The following BACE2 variants were observed in gnomAD, a reference collection of about 807,000 sequenced individuals.
BACE2 encodes 56 kDa aspartic-like protease.
Under a neutral mutation model 46.2 loss-of-function variants are expected in BACE2, and 17 were observed. The observed-to-expected ratio is 0.37, with a 90% CI of 0.25 to 0.55. The LOEUF is 0.55. BACE2 is among the 20% of genes least tolerant of loss of function. The probability of loss-of-function intolerance (pLI) is 0.82; values close to 1 mark genes in which losing one functional copy is unlikely to be tolerated. For missense variants in BACE2, 595 were observed against 698.1 expected (o/e 0.85, Z 1.66); for synonymous variants, 277 against 295.9 (o/e 0.94, Z 0.66).
At position 41,282,436 on chromosome 21, in the gene BACE2, T is replaced by G. The variant is rs376122181; in HGVS notation, c.*6812T>G. ...AAAACTGGAGTTTTCTAAAATAATC[T>G]TATTTTTATACTTGTATGTTCCAGC... On this transcript the variant is annotated 3_prime_UTR_variant, in exon 9 of 9. Coordinates refer to ENST00000330333, the MANE Select transcript of BACE2 (RefSeq NM_012105.5). 3 of 152,242 alleles carry G rather than the reference T, an allele frequency of 2.0e-5. No individual in the cohort carries two copies. Among genetic ancestry groups the G allele is most frequent in the East Asian group, 3.8e-4 (2 of 5,202 alleles). 9.4% of individuals were successfully genotyped at this position (152,242 alleles called of 1,614,324 possible). A position where few individuals can be genotyped will look rare whatever the true frequency, so the allele number is the denominator to read the frequency against.
At chr21:41,194,841 T>G (rs2123518658) in intron 1 of BACE2, among the ~76,000 whole-genome samples, 1 of 152,366 alleles carries the variant, frequency 6.6e-6, no homozygotes, top group South Asian at 2.1e-4. Flanking sequence ...AATTTGCCAT[T>G]CTTTTCCTTT....
Position 41,197,655 on chromosome 21 carries a change from TAA to T in BACE2, c.313-28600_313-28599del, listed in dbSNP as rs371348258. ...ATCTTCCAAATAATTTTGCTTGTGT[TAA>T]AAAAAAAAAATGGAAATAAGCCGTA... On this transcript the variant is annotated intron_variant, in intron 1 of 8. Transcript: ENST00000330333. Among the ~76,000 whole-genome samples the T allele has an allele frequency of 7.5e-5, 11 of 147,002 alleles. No individual in the cohort carries two copies. In the Middle Eastern group the frequency reaches 0.011, roughly 141 times the overall value.
chr21:41,222,881 C>T (rs1158982676), intron 1 of BACE2, among the ~76,000 whole-genome samples: 2 of 152,182 alleles, frequency 1.3e-5, no homozygotes, highest in Non-Finnish European at 2.9e-5. Flanking sequence ...GGATCACCTC[C>T]GGCATGGCCT....
intron 8 of BACE2, among the ~76,000 whole-genome samples, chr21:41,264,522 A>G (rs1395121791): frequency 1.3e-5 from 2 of 152,158 alleles, no homozygotes; most frequent in African/African-American, 4.8e-5. Flanking sequence ...GGGAGGCCTC[A>G]GGAAACTTAC....
chr21:41,175,104 T>C (rs1342576506), intron 1 of BACE2: 4 of 152,164 alleles, frequency 2.6e-5, no homozygotes, highest in Admixed American at 6.5e-5. Context: ...AAGTGGTCAC[T>C]TTTTTGCTCT....
In BACE2 at chr21:41,282,196, C is replaced by T. The variant is rs1031897370; in HGVS notation, c.*6572C>T. On this transcript the variant is annotated 3_prime_UTR_variant, in exon 9 of 9. Coordinates refer to ENST00000330333, the MANE Select transcript of BACE2 (RefSeq NM_012105.5). ...TTGTTTTCTGTTTATCTCAGATTAACATCCTTTAATACAAGTTTCTTAAGT... is the reference window on the plus strand; with the variant it reads ...TTGTTTTCTGTTTATCTCAGATTAATATCCTTTAATACAAGTTTCTTAAGT... 6.6e-6 allele frequency: 1 copy of T among 152,182 alleles called. No homozygotes were observed. Among genetic ancestry groups the T allele is most frequent in the African/African-American group, 2.4e-5 (1 of 41,442 alleles). 9.4% of individuals were successfully genotyped at this position (152,182 alleles called of 1,614,324 possible). A position where few individuals can be genotyped will look rare whatever the true frequency, so the allele number is the denominator to read the frequency against.
At chr21:41,253,559 G>A (rs1389196583) in intron 7 of BACE2, among the ~76,000 whole-genome samples, 1 of 152,084 alleles carries the variant, frequency 6.6e-6, no homozygotes, top group African/African-American at 2.4e-5. Context: ...CCAGCTTGAG[G>A]ACCCAGGTGT....
intron 1 of BACE2, among the ~76,000 whole-genome samples, chr21:41,187,790 CT>C (rs1186830696): frequency 6.6e-6 from 1 of 152,190 alleles, no homozygotes; most frequent in Admixed American, 6.5e-5. Context: ...ACGTTAAGAG[CT>C]TGCAAACCCT....
intron 2 of BACE2, among the ~76,000 whole-genome samples, chr21:41,233,098 G>C (rs1219648980): frequency 6.6e-6 from 1 of 152,038 alleles, no homozygotes; most frequent in Non-Finnish European, 1.5e-5. Flanking sequence ...TCGATCTCCT[G>C]ACCTCATGAT....
At chr21:41,226,431 T>C in intron 2 of BACE2, 77 bp downstream of exon 2, 1 of 1,314,608 alleles carries the variant, frequency 7.6e-7, no homozygotes. Flanking sequence ...CACCAGAGCA[T>C]GACAGCCAGA....
At chr21:41,240,611 G>A (rs1019395819) in intron 3 of BACE2, among the ~76,000 whole-genome samples, 4 of 152,184 alleles carry the variant, frequency 2.6e-5, no homozygotes, top group African/African-American at 9.7e-5. Flanking sequence ...TTGCTTTACC[G>A]CCTCTCAAGA....
At chr21:41,212,157 T>C (rs1218465338) in intron 1 of BACE2, among the ~76,000 whole-genome samples, 1 of 152,226 alleles carries the variant, frequency 6.6e-6, no homozygotes, top group Non-Finnish European at 1.5e-5. Flanking sequence ...TCTTACAGTT[T>C]TGGGAGCTGG....
At chr21:41,220,367 C>T (rs1199855654) in intron 1 of BACE2, among the ~76,000 whole-genome samples, 1 of 152,166 alleles carries the variant, frequency 6.6e-6, no homozygotes, top group Non-Finnish European at 1.5e-5. Context: ...CCTCCCCACT[C>T]CCCAAGGTTG....
intron 1 of BACE2, chr21:41,183,450 T>C (rs1268863094): frequency 6.0e-6 from 1 of 166,944 alleles, no homozygotes; most frequent in Non-Finnish European, 1.5e-5. Context: ...TAAAATGACC[T>C]ATACAAGACA....
At chr21:41,243,006 CCT>C (rs1987349988) in intron 4 of BACE2, among the ~76,000 whole-genome samples, 1 of 152,078 alleles carries the variant, frequency 6.6e-6, no homozygotes, top group Non-Finnish European at 1.5e-5. Flanking sequence ...CCTCCGCCTC[CCT>C]GTTCAAGCGA....
intron 2 of BACE2, among the ~76,000 whole-genome samples, chr21:41,231,860 G>A (rs781289426): frequency 6.6e-6 from 1 of 152,206 alleles, no homozygotes. Flanking sequence ...GAGGTGGGAC[G>A]TTAGAAAATG....
At chr21:41,214,512 G>A (rs1301949873) in intron 1 of BACE2, among the ~76,000 whole-genome samples, 2 of 152,172 alleles carry the variant, frequency 1.3e-5, no homozygotes, top group African/African-American at 2.4e-5. Flanking sequence ...CATCGTGGGG[G>A]CATAGAATTT....
At chr21:41,274,091 C>T (rs577136743) in intron 8 of BACE2, among the ~76,000 whole-genome samples, 1 of 151,930 alleles carries the variant, frequency 6.6e-6, no homozygotes, top group Non-Finnish European at 1.5e-5. Flanking sequence ...TCTCTTCCAC[C>T]ATGTAAAGAC....
At chr21:41,200,308 C>T (rs887509880) in intron 1 of BACE2, among the ~76,000 whole-genome samples, 107 of 152,066 alleles carry the variant, frequency 7.0e-4, no homozygotes, top group Non-Finnish European at 2.1e-4. Flanking sequence ...AATGAAATTT[C>T]GTTTAGTTTA....
Sources: allele counts gnomAD v4.1 joint callset (sites outside exome capture counted in the v4.1 genomes callset), GRCh38; gene constraint gnomAD v4.1.1; transcripts MANE v1.5; gene names NCBI Gene and HGNC (gene_info 2026-07-23, HGNC 2026-07-21).